The following BPNT1 variants were observed in gnomAD, a reference collection of about 807,000 sequenced individuals.
BPNT1 encodes the protein 3'(2'),5'-bisphosphate nucleotidase 1.
BPNT1 carries 28 observed loss-of-function variants against 36.9 expected under a neutral mutation model. The observed-to-expected ratio is 0.76, with a 90% confidence interval of 0.56 to 1.04. The LOEUF is 1.04. Among genes scored for constraint, BPNT1 ranks in the 50% least tolerant of loss-of-function variants. BPNT1 has a pLI of 0.00. For missense variants in BPNT1, 313 were observed against 372.9 expected, an observed-to-expected ratio of 0.84 and a Z score of 1.32; for synonymous variants, 119 against 130.9, an observed-to-expected ratio of 0.91 and a Z score of 0.62.
At chr1:220,086,470 C>T (rs1333726181) in intron 1 of BPNT1, among the ~76,000 whole-genome samples, 2 of 151,988 alleles carry the variant, frequency 1.3e-5, no homozygotes, top group African/African-American at 2.4e-5. Context: ...GATGGGGTTT[C>T]ACCACATTGG....
intron 4 of BPNT1, among the ~76,000 whole-genome samples, chr1:220,072,583 G>A (rs1018286479): frequency 6.6e-6 from 1 of 152,132 alleles, no homozygotes; most frequent in Non-Finnish European, 1.5e-5. Context: ...CCAGAGTGCT[G>A]GGATTACAGG....
At chr1:220,076,720 T>C (rs1436627593) in intron 2 of BPNT1, among the ~76,000 whole-genome samples, 3 of 149,144 alleles carry the variant, frequency 2.0e-5, no homozygotes, top group Non-Finnish European at 3.0e-5. Flanking sequence ...ATAATAATAA[T>C]AATAATAATA....
At chr1:220,078,326 A>T (rs1220709448) in intron 2 of BPNT1, among the ~76,000 whole-genome samples, 1 of 144,914 alleles carries the variant, frequency 6.9e-6, no homozygotes, top group Non-Finnish European at 1.5e-5. Flanking sequence ...TATATATAAC[A>T]TATAATATAT....
chr1:220,087,499 G>A (rs1021411580), intron 1 of BPNT1, among the ~76,000 whole-genome samples: 4 of 151,988 alleles, frequency 2.6e-5, no homozygotes, highest in Non-Finnish European at 5.9e-5. Flanking sequence ...AAGTTGCAGT[G>A]AGCTGAGATC....
At chr1:220,073,862 T>C in intron 3 of BPNT1, 105 bp downstream of exon 3, 2 of 1,009,058 alleles carry the variant, frequency 2.0e-6, no homozygotes, top group South Asian at 1.4e-5. Context: ...AAACAATAAA[T>C]ATAATGCTTA....
chr1:220,058,873 C>A lies in BPNT1; in HGVS notation c.898G>T (p.Glu300Ter). The change falls in exon 9 of 9, where the codon GAA (glutamate) becomes TAA (stop). Residue 300 changes from glutamate (E) to a stop codon, truncating the protein, a stop_gained. Transcript: ENST00000322067. LOFTEE classifies it high-confidence loss of function. Reference protein sequence around the residue: ...NYDYYASRVPESIKNALVP With the variant: ...NYDYYASRVP Reference sequence around the variant, plus strand: ...GGAACAAGTGCATTTTTAATAGATTCTGGAACTCGGCTTGCATAGTAGTCA... The same window carrying A: ...GGAACAAGTGCATTTTTAATAGATTATGGAACTCGGCTTGCATAGTAGTCA... 6.2e-7 allele frequency: 1 copy of A among 1,614,120 alleles called. No homozygotes were observed.
At chr1:220,083,401 G>C (rs190643316) in intron 1 of BPNT1, among the ~76,000 whole-genome samples, 1 of 150,002 alleles carries the variant, frequency 6.7e-6, no homozygotes, top group East Asian at 2.0e-4. Context: ...TACAAACTCC[G>C]TCTCCCGGGT....
At chr1:220,059,663 T>A (rs1160670745) in intron 8 of BPNT1, 23 bp downstream of exon 8, 9 of 1,507,528 alleles carry the variant, frequency 6.0e-6, no homozygotes, top group East Asian at 2.3e-5. Flanking sequence ...AACTATGAAT[T>A]TCCTCAAATA....
At chr1:220,083,825 A>C (rs61830429) in intron 1 of BPNT1, among the ~76,000 whole-genome samples, 22,231 of 152,100 alleles carry the variant, frequency 0.15, 2,813 homozygotes, top group East Asian at 0.34. Context: ...AGTGTTTTGC[A>C]GGGCCAACTG....
At chr1:220,087,922 G>A (rs1655893206) in intron 1 of BPNT1, among the ~76,000 whole-genome samples, 1 of 151,964 alleles carries the variant, frequency 6.6e-6, no homozygotes, top group Admixed American at 6.6e-5. Context: ...TTGTTGCCCA[G>A]GCTGGAGTGC....
intron 1 of BPNT1, among the ~76,000 whole-genome samples, chr1:220,085,810 C>T (rs1180109859): frequency 6.6e-6 from 1 of 152,176 alleles, no homozygotes; most frequent in African/African-American, 2.4e-5. Flanking sequence ...AGGCCATCAA[C>T]CTAATACCTA....
chr1:220,062,588 G>A (rs1304256497), intron 7 of BPNT1, among the ~76,000 whole-genome samples, 169 bp downstream of exon 7: 1 of 151,922 alleles, frequency 6.6e-6, no homozygotes, highest in Non-Finnish European at 1.5e-5. Flanking sequence ...ATTGTGAATA[G>A]TGCCACAATA....
chr1:220,073,750 A>G (rs1005999422), intron 3 of BPNT1, among the ~76,000 whole-genome samples: 1 of 152,178 alleles, frequency 6.6e-6, no homozygotes, highest in African/African-American at 2.4e-5. Flanking sequence ...CATATCTTCT[A>G]TGGTCAATAA....
At chr1:220,080,261 C>T (rs1001602151) in intron 1 of BPNT1, among the ~76,000 whole-genome samples, 2 of 152,112 alleles carry the variant, frequency 1.3e-5, no homozygotes, top group Admixed American at 1.3e-4. Flanking sequence ...ATAAGGTAAC[C>T]TAACGTCTAT....
chr1:220,074,225 G>T (rs894445180), intron 2 of BPNT1, among the ~76,000 whole-genome samples, 154 bp from the exon 3 acceptor site: 2 of 152,144 alleles, frequency 1.3e-5, no homozygotes, highest in Non-Finnish European at 2.9e-5. Flanking sequence ...TCTTGCCTTG[G>T]TTTTTCTCAA....
chr1:220,088,663 G>A (rs1351999230), intron 1 of BPNT1, among the ~76,000 whole-genome samples: 1 of 151,516 alleles, frequency 6.6e-6, no homozygotes, highest in Admixed American at 6.6e-5. Flanking sequence ...GGTGGCACAT[G>A]CCTGTAGTCC....
rs1260717592 is a variant in BPNT1 at position 220,067,397 on chromosome 1, C to A, written c.383-4G>T. The A allele has an allele frequency of 6.3e-7, 1 of 1,591,576 alleles. No individual in the cohort carries two copies. Among genetic ancestry groups the A allele is most frequent in the Non-Finnish European group, 8.6e-7 (1 of 1,165,354 alleles). On this transcript the variant is annotated splice_polypyrimidine_tract_variant and splice_region_variant and intron_variant, in intron 5 of 8. Transcript: ENST00000322067. ...ACTGTTACATTGTCAAGAAGACCTG[C>A]AAAGAAGAAATAAATATCAGTTATA...
intron 1 of BPNT1, among the ~76,000 whole-genome samples, chr1:220,080,826 C>T (rs1446221942): frequency 1.3e-5 from 2 of 152,220 alleles, no homozygotes; most frequent in Non-Finnish European, 2.9e-5. Flanking sequence ...TTACCTCCAT[C>T]TTCGTCAGTA....
At chr1:220,073,642 AGCC>A (rs1466299233) in intron 3 of BPNT1, among the ~76,000 whole-genome samples, 30 of 152,260 alleles carry the variant, frequency 2.0e-4, no homozygotes, top group African/African-American at 7.0e-4. Context: ...TATGCAAATA[AGCC>A]TAATTTTAAA....
Sources: allele counts gnomAD v4.1 joint callset (sites outside exome capture counted in the v4.1 genomes callset), GRCh38; gene constraint gnomAD v4.1.1; transcripts MANE v1.5; gene names NCBI Gene and HGNC (gene_info 2026-07-23, HGNC 2026-07-21).